SLC14A2: variants seen among roughly 807,000 people sequenced by gnomAD.
SLC14A2 encodes solute carrier family 14 member 2, also known as urea transporter 2.
A neutral mutation model predicts 104.6 loss-of-function variants in SLC14A2; 91 were observed. The ratio of observed to expected loss-of-function variants is 0.87; its 90% CI spans 0.73 to 1.04. The LOEUF (loss-of-function observed/expected upper bound fraction) is 1.04. Ranked by LOEUF, SLC14A2 falls within the 50% of genes least tolerant of loss-of-function variation. SLC14A2 has a pLI of 0.00. For synonymous variants in SLC14A2, 476 were observed against 466.4 expected (o/e 1.02, Z -0.27); for missense variants, 1,189 against 1,156.0 (o/e 1.03, Z -0.41).
At chr18:45,503,706 G>C (rs1028838497) in intron 2 of SLC14A2, among the ~76,000 whole-genome samples, 3 of 152,166 alleles carry the variant, frequency 2.0e-5, no homozygotes, top group Admixed American at 6.5e-5. Flanking sequence ...ATAGTAGAGA[G>C]ACTGGTGCCC....
At chr18:45,546,219 C>A (rs2043967112) in intron 2 of SLC14A2, among the ~76,000 whole-genome samples, 1 of 152,240 alleles carries the variant, frequency 6.6e-6, no homozygotes, top group South Asian at 2.1e-4. Flanking sequence ...AGAGGAGCAT[C>A]TTCAGAGCTA....
At chr18:45,420,851 C>T (rs2144518688) in intron 1 of SLC14A2, among the ~76,000 whole-genome samples, 1 of 151,956 alleles carries the variant, frequency 6.6e-6, no homozygotes, top group Non-Finnish European at 1.5e-5. Flanking sequence ...AGAAATTCTC[C>T]CGCCTCAACC....
chr18:45,364,098 C>T (rs145935602), intron 1 of SLC14A2, among the ~76,000 whole-genome samples: 1 of 152,320 alleles, frequency 6.6e-6, no homozygotes, highest in Non-Finnish European at 1.5e-5. Flanking sequence ...TCCCATCCCT[C>T]AACTCTTCCC....
the SLC14A2 span, chr18:45,168,920 G>C: frequency 1.3e-5 from 2 of 152,128 alleles, no homozygotes; most frequent in African/African-American, 4.8e-5. Flanking sequence ...TGCATAAAGG[G>C]TGTTTTATGG....
At chr18:45,195,663 T>C in the SLC14A2 span, among the ~76,000 whole-genome samples, 3 of 152,220 alleles carry the variant, frequency 2.0e-5, no homozygotes, top group Admixed American at 6.5e-5. Flanking sequence ...GTGCTGGGAT[T>C]GCAGGTGTGA....
chr18:45,398,832 G>C (rs901665035), intron 1 of SLC14A2, among the ~76,000 whole-genome samples: 1 of 152,106 alleles, frequency 6.6e-6, no homozygotes, highest in African/African-American at 2.4e-5. Context: ...AGTGTAGAGA[G>C]AGAATAAATA....
intron 1 of SLC14A2, among the ~76,000 whole-genome samples, chr18:45,463,078 G>A (rs1166208236): frequency 6.6e-6 from 1 of 152,156 alleles, no homozygotes; most frequent in African/African-American, 2.4e-5. Flanking sequence ...GGCAGGTTCA[G>A]CCCACCCCAA....
At chr18:45,200,404 G>A in the SLC14A2 span, among the ~76,000 whole-genome samples, 6 of 152,138 alleles carry the variant, frequency 3.9e-5, no homozygotes, top group Admixed American at 6.5e-5. Context: ...ATACATTAGT[G>A]CAGTAATTTG....
intron 2 of SLC14A2, among the ~76,000 whole-genome samples, chr18:45,605,691 G>C (rs944802311): frequency 2.0e-5 from 3 of 152,176 alleles, no homozygotes; most frequent in African/African-American, 7.2e-5. Context: ...ACAGCTGGTA[G>C]GCAGCAGAGC....
chr18:45,419,381 T>C (rs1190695670), intron 1 of SLC14A2, among the ~76,000 whole-genome samples: 1 of 152,226 alleles, frequency 6.6e-6, no homozygotes, highest in East Asian at 1.9e-4. Context: ...CTCTCTCTGA[T>C]GCCCCTTCAC....
intron 2 of SLC14A2, among the ~76,000 whole-genome samples, chr18:45,536,067 A>G (rs533282178): frequency 6.6e-6 from 1 of 152,338 alleles, no homozygotes; most frequent in South Asian, 2.1e-4. Flanking sequence ...CAGGGATATG[A>G]AGAACATTGA....
intron 1 of SLC14A2, among the ~76,000 whole-genome samples, chr18:45,381,701 G>A (rs577149282): frequency 6.6e-6 from 1 of 151,984 alleles, no homozygotes; most frequent in Non-Finnish European, 1.5e-5. Flanking sequence ...ACACTTTTTT[G>A]TTGTACCAAA....
At chr18:45,514,731 G>C (rs550187978) in intron 2 of SLC14A2, among the ~76,000 whole-genome samples, 1 of 152,162 alleles carries the variant, frequency 6.6e-6, no homozygotes, top group African/African-American at 2.4e-5. Flanking sequence ...TGCTATGAAG[G>C]ATACAAAGAT....
Position 45,546,700 on chromosome 18 carries a change from T to G in SLC14A2, c.-35+63378T>G, listed in dbSNP as rs575428030. Among the ~76,000 whole-genome samples, 8 of 152,352 alleles carry G rather than the reference T, an allele frequency of 5.3e-5. No homozygotes were observed. In the South Asian group the frequency reaches 1.4e-3, roughly 28 times the overall value. On this transcript the variant is annotated intron_variant, in intron 2 of 20. Transcript: ENST00000586448. Reference sequence around the variant, plus strand: ...TAGTTGTTAACCTTGGGCATTTTACTTAAACTTCTGTGCCTCAATTTCCTC... The same window carrying G: ...TAGTTGTTAACCTTGGGCATTTTACGTAAACTTCTGTGCCTCAATTTCCTC...
At chr18:45,472,706 C>T (rs1186284685) in intron 1 of SLC14A2, among the ~76,000 whole-genome samples, 7 of 152,078 alleles carry the variant, frequency 4.6e-5, no homozygotes, top group Admixed American at 4.6e-4. Flanking sequence ...ATCCTTCGCC[C>T]ATTTTTTGAT....
intron 1 of SLC14A2, among the ~76,000 whole-genome samples, chr18:45,478,618 C>G (rs1317237966): frequency 1.3e-5 from 2 of 152,136 alleles, no homozygotes; most frequent in African/African-American, 4.8e-5. Context: ...GAGATAAGCT[C>G]TTTCTTAACC....
At chr18:45,359,323 G>A (rs777409084) in intron 1 of SLC14A2, among the ~76,000 whole-genome samples, 43 of 152,146 alleles carry the variant, frequency 2.8e-4, no homozygotes, top group Admixed American at 1.8e-3. Context: ...AGGCCCCCCC[G>A]TCTAGCGTTT....
At chr18:45,350,411 C>A (rs1209276330) in intron 1 of SLC14A2, among the ~76,000 whole-genome samples, 1 of 152,172 alleles carries the variant, frequency 6.6e-6, no homozygotes, top group African/African-American at 2.4e-5. Context: ...ACAGCACGTT[C>A]ATCACAGTGA....
intron 2 of SLC14A2, among the ~76,000 whole-genome samples, chr18:45,597,062 C>A (rs1364937350): frequency 6.6e-6 from 1 of 152,208 alleles, no homozygotes; most frequent in South Asian, 2.1e-4. Flanking sequence ...CACGGTGGCT[C>A]ATGCCAGCAC....
Sources: gnomAD v4.1 joint callset for allele counts (sites outside exome capture counted in the v4.1 genomes callset) on GRCh38, gnomAD v4.1.1 for gene constraint, MANE v1.5 for transcripts, NCBI Gene and HGNC (gene_info 2026-07-23, HGNC 2026-07-21) for gene names.